The following ERBB4 variants were observed in gnomAD, a reference collection of about 807,000 sequenced individuals.
ERBB4 encodes receptor tyrosine-protein kinase erbB-4.
Under a neutral mutation model 158.0 loss-of-function variants are expected in ERBB4, and 42 were observed. The ratio of observed to expected loss-of-function variants is 0.27; its 90% CI spans 0.21 to 0.34. The LOEUF (loss-of-function observed/expected upper bound fraction) is 0.34. Among genes scored for constraint, ERBB4 ranks in the 10% least tolerant of loss-of-function variants. The probability of loss-of-function intolerance (pLI) is 1.00; values close to 1 mark genes in which losing one functional copy is unlikely to be tolerated. For synonymous variants in ERBB4, 583 were observed against 558.7 expected (o/e 1.04, Z -0.61); for missense variants, 1,333 against 1,624.1 (o/e 0.82, Z 3.08).
At chr2:212,410,041 T>C (rs559666772) in intron 1 of ERBB4, among the ~76,000 whole-genome samples, 129 of 152,036 alleles carry the variant, frequency 8.5e-4, no homozygotes, top group Admixed American at 1.8e-3. Flanking sequence ...TTAAAGAAAC[T>C]GCCTGGATTA....
intron 1 of ERBB4, among the ~76,000 whole-genome samples, chr2:212,231,523 C>T (rs1372962825): frequency 6.6e-6 from 1 of 152,142 alleles, no homozygotes; most frequent in Non-Finnish European, 1.5e-5. Flanking sequence ...TCAAAGAAAC[C>T]TCTGTTTTCA....
intron 3 of ERBB4, among the ~76,000 whole-genome samples, chr2:211,858,440 T>C (rs1339309845): frequency 6.6e-6 from 1 of 152,208 alleles, no homozygotes. Context: ...TCAAAACAAA[T>C]GTTTGAAGAC....
intron 3 of ERBB4, among the ~76,000 whole-genome samples, chr2:211,915,399 ATAG>A (rs2079659270): frequency 6.6e-6 from 1 of 151,538 alleles, no homozygotes; most frequent in Non-Finnish European, 1.5e-5. Context: ...TTGTTTTTAA[ATAG>A]CACATAGAAG....
intron 1 of ERBB4, among the ~76,000 whole-genome samples, chr2:212,292,750 T>C (rs759162412): frequency 6.6e-6 from 1 of 152,080 alleles, no homozygotes; most frequent in Non-Finnish European, 1.5e-5. Context: ...AGTGAAAAGT[T>C]GTTTAGCCTA....
At chr2:211,935,860 C>A (rs1173203930) in intron 3 of ERBB4, among the ~76,000 whole-genome samples, 4 of 152,080 alleles carry the variant, frequency 2.6e-5, no homozygotes, top group Non-Finnish European at 5.9e-5. Flanking sequence ...TATTTGCAAA[C>A]CACTTCTACA....
chr2:212,262,010 C>T (rs2084964218), intron 1 of ERBB4, among the ~76,000 whole-genome samples: 1 of 151,930 alleles, frequency 6.6e-6, no homozygotes, highest in African/African-American at 2.4e-5. Flanking sequence ...CCAACAAATA[C>T]CAACATTATC....
At chr2:212,513,845 A>AT (rs1205337117) in intron 1 of ERBB4, among the ~76,000 whole-genome samples, 1 of 152,096 alleles carries the variant, frequency 6.6e-6, no homozygotes. Context: ...AAAAAGAACA[A>AT]TTTAAGTTTT....
chr2:212,264,223 A>G (rs1295292159), intron 1 of ERBB4, among the ~76,000 whole-genome samples: 2 of 152,078 alleles, frequency 1.3e-5, no homozygotes, highest in Admixed American at 6.6e-5. Context: ...CCCATACCCA[A>G]TGTATTTAGA....
chr2:212,134,496 G>A (rs1315884159), intron 1 of ERBB4, among the ~76,000 whole-genome samples: 2 of 151,476 alleles, frequency 1.3e-5, no homozygotes, highest in African/African-American at 4.8e-5. Flanking sequence ...TAGCAAAATA[G>A]GAAATGTGTT....
intron 1 of ERBB4, among the ~76,000 whole-genome samples, chr2:212,255,220 CAAT>C (rs2084683325): frequency 2.0e-5 from 3 of 152,224 alleles, no homozygotes; most frequent in Admixed American, 2.0e-4. Context: ...TATTTTACCA[CAAT>C]GACTATGCAC....
intron 1 of ERBB4, among the ~76,000 whole-genome samples, chr2:212,216,122 A>G (rs1376817690): frequency 6.6e-6 from 1 of 151,422 alleles, no homozygotes; most frequent in Non-Finnish European, 1.5e-5. Context: ...AGAATGTTAT[A>G]GTTGTATCAT....
chr2:211,863,723 C>G (rs780780999), intron 3 of ERBB4, among the ~76,000 whole-genome samples: 1 of 152,124 alleles, frequency 6.6e-6, no homozygotes, highest in African/African-American at 2.4e-5. Context: ...AGAGCTGTAA[C>G]GCTCACTGTG....
At chr2:211,614,595 A>G (rs1006405102) in intron 19 of ERBB4, among the ~76,000 whole-genome samples, 1 of 152,102 alleles carries the variant, frequency 6.6e-6, no homozygotes, top group African/African-American at 2.4e-5. Flanking sequence ...ATTAGTATGG[A>G]ACAGGATATA....
intron 1 of ERBB4, among the ~76,000 whole-genome samples, chr2:212,280,441 G>A (rs1332266400): frequency 6.6e-6 from 1 of 151,660 alleles, no homozygotes; most frequent in Non-Finnish European, 1.5e-5. Context: ...AAAGGTTAAT[G>A]AAGAATGAAG....
At chr2:212,438,500 A>C (rs536943144) in intron 1 of ERBB4, among the ~76,000 whole-genome samples, 1 of 152,242 alleles carries the variant, frequency 6.6e-6, no homozygotes, top group South Asian at 2.1e-4. Flanking sequence ...ATTAGTAAGC[A>C]CACAGTATGT....
intron 4 of ERBB4, among the ~76,000 whole-genome samples, chr2:211,787,593 T>C (rs1390862053): frequency 1.3e-5 from 2 of 152,176 alleles, no homozygotes; most frequent in Non-Finnish European, 2.9e-5. Context: ...GCTTAAGAAT[T>C]CTCAATGTTC....
At chr2:212,105,773 C>G (rs573902505) in intron 2 of ERBB4, among the ~76,000 whole-genome samples, 1 of 152,156 alleles carries the variant, frequency 6.6e-6, no homozygotes, top group Non-Finnish European at 1.5e-5. Context: ...ACAATTCCCA[C>G]GTGTTGTGGG....
chr2:211,496,733 T>A (rs1414648073), intron 20 of ERBB4, among the ~76,000 whole-genome samples: 1 of 152,072 alleles, frequency 6.6e-6, no homozygotes, highest in Non-Finnish European at 1.5e-5. Flanking sequence ...GCCATGATTA[T>A]CTTTGGTGAG....
At chr2:211,635,601 C>A (rs1321541188) in intron 16 of ERBB4, among the ~76,000 whole-genome samples, 1 of 151,682 alleles carries the variant, frequency 6.6e-6, no homozygotes, top group African/African-American at 2.4e-5. Context: ...AGATGTCAGA[C>A]CACAAAAAAA....
Sources: gnomAD v4.1 joint callset for allele counts (sites outside exome capture counted in the v4.1 genomes callset) on GRCh38, gnomAD v4.1.1 for gene constraint, MANE v1.5 for transcripts, NCBI Gene and HGNC (gene_info 2026-07-23, HGNC 2026-07-21) for gene names.